PKHD1: variants seen among roughly 807,000 people sequenced by gnomAD.
PKHD1 encodes fibrocystin.
PKHD1 carries 291 observed loss-of-function variants against 412.0 expected under a neutral mutation model. That is an observed-to-expected ratio of 0.71 (90% CI 0.64 to 0.78). PKHD1 has a LOEUF of 0.78. Ranked by LOEUF, PKHD1 falls within the 30% of genes least tolerant of loss-of-function variation. The probability of loss-of-function intolerance (pLI) is 0.00; values close to 1 mark genes in which losing one functional copy is unlikely to be tolerated. For synonymous variants in PKHD1, 1,777 were observed against 1,821.5 expected (o/e 0.98, Z 0.62); for missense variants, 4,825 against 4,950.7 (o/e 0.97, Z 0.76).
intron 49 of PKHD1, among the ~76,000 whole-genome samples, chr6:51,851,190 G>A (rs773135925): frequency 3.3e-5 from 5 of 152,092 alleles, no homozygotes; most frequent in Non-Finnish European, 7.4e-5. Flanking sequence ...TTTATGTGAC[G>A]GATTATGTTT....
Position 52,023,010 on chromosome 6 carries a change from A to T in PKHD1, c.5237-66T>A, listed in dbSNP as rs1353939755. The T allele has an allele frequency of 6.9e-6, 11 of 1,582,798 alleles. No individual in the cohort carries two copies. The Admixed American group carries it at 1.8e-4, about 26-fold the overall frequency. On this transcript the variant is annotated intron_variant, in intron 32 of 66. Transcript: ENST00000371117. ...ATCTCCCTTCTTTACTCAACTCAAAATTCAAACATTTGCTTCCTCACTACC... is the reference window on the plus strand; with the variant it reads ...ATCTCCCTTCTTTACTCAACTCAAATTTCAAACATTTGCTTCCTCACTACC...
chr6:51,741,396 T>C (rs982141101), intron 60 of PKHD1, among the ~76,000 whole-genome samples: 5 of 147,996 alleles, frequency 3.4e-5, no homozygotes, highest in African/African-American at 1.3e-4. Flanking sequence ...TGTTTTTCTC[T>C]TTTTTTTTTC....
intron 60 of PKHD1, among the ~76,000 whole-genome samples, chr6:51,670,929 A>C (rs552460564): frequency 7.2e-5 from 11 of 151,984 alleles, no homozygotes; most frequent in Admixed American, 3.9e-4. Context: ...TGGTAGTCTG[A>C]TGGGCTTCCC....
At chr6:51,810,278 T>A (rs1764501529) in intron 52 of PKHD1, among the ~76,000 whole-genome samples, 1 of 152,140 alleles carries the variant, frequency 6.6e-6, no homozygotes, top group East Asian at 1.9e-4. Flanking sequence ...TTTAACATAC[T>A]GTAATTGTTA....
At chr6:51,836,278 T>C in intron 51 of PKHD1, 126 bp downstream of exon 51, 1 of 734,710 alleles carries the variant, frequency 1.4e-6, no homozygotes, top group Non-Finnish European at 2.5e-6. Flanking sequence ...TAGAGAGTTA[T>C]CAGACATATA....
chr6:51,788,995 C>T (rs894517802), intron 53 of PKHD1, among the ~76,000 whole-genome samples: 1 of 152,170 alleles, frequency 6.6e-6, no homozygotes, highest in Non-Finnish European at 1.5e-5. Context: ...GGACCCCCAA[C>T]ATCTGACTTA....
intron 35 of PKHD1, among the ~76,000 whole-genome samples, chr6:51,994,730 C>T (rs1425846860): frequency 3.3e-5 from 5 of 152,060 alleles, no homozygotes; most frequent in Non-Finnish European, 7.4e-5. Context: ...CACAGGCACA[C>T]GCCACTATGC....
chr6:52,028,866 A>T (rs1004697098), intron 29 of PKHD1, among the ~76,000 whole-genome samples: 2 of 152,340 alleles, frequency 1.3e-5, no homozygotes, highest in Non-Finnish European at 2.9e-5. Context: ...TAAAAAGAAA[A>T]ATTGGCAGGA....
intron 4 of PKHD1, 140 bp downstream of exon 4, chr6:52,082,252 T>G: frequency 1.2e-6 from 1 of 826,264 alleles, no homozygotes; most frequent in Non-Finnish European, 2.1e-6. Flanking sequence ...TTAGAAAGCA[T>G]ATTCACATGA....
intron 1 of PKHD1, among the ~76,000 whole-genome samples, chr6:52,086,095 CACACACACAAA>C (rs1196125251): frequency 1.4e-5 from 2 of 146,292 alleles, no homozygotes; most frequent in Admixed American, 6.8e-5. Flanking sequence ...CACACACATA[CACACACACAAA>C]GTGTGTGTGT....
chr6:52,027,547 AAAGAAG>A (rs1246925981), intron 31 of PKHD1, among the ~76,000 whole-genome samples: 3 of 149,088 alleles, frequency 2.0e-5, no homozygotes, highest in African/African-American at 7.5e-5. Flanking sequence ...AAAAAAAAAA[AAAGAAG>A]AAGAAGAAGA....
intron 60 of PKHD1, among the ~76,000 whole-genome samples, chr6:51,706,983 C>T (rs969218197): frequency 2.6e-5 from 4 of 152,132 alleles, no homozygotes; most frequent in African/African-American, 7.2e-5. Context: ...TAGATTTCTA[C>T]ACTTTTTCTT....
chr6:52,025,577 C>G lies in PKHD1; in HGVS notation c.4233G>C (p.Gly1411=). 2 of 1,614,174 alleles carry G rather than the reference C, an allele frequency of 1.2e-6. No individual in the cohort carries two copies. The highest frequency in any genetic ancestry group is 1.1e-5 in the South Asian group (1 of 91,082). ...ACGGTILTVR[G]LLLNSRRRSV... is the part of the protein sequence containing the mutation. ...ACCTCCTTCTAGAGTTAAGAAGCAACCCCCTCACAGTAAGTATGGTCCCAC... is the reference window on the plus strand; with the variant it reads ...ACCTCCTTCTAGAGTTAAGAAGCAAGCCCCTCACAGTAAGTATGGTCCCAC... Residue 1411 remains glycine, a synonymous_variant, in exon 32 of 67, where the codon GGG becomes GGC. Transcript: ENST00000371117.
At chr6:51,939,615 G>T (rs528399448) in intron 36 of PKHD1, among the ~76,000 whole-genome samples, 1 of 151,412 alleles carries the variant, frequency 6.6e-6, no homozygotes, top group Non-Finnish European at 1.5e-5. Context: ...AATTCTTATC[G>T]TAAAATAGAC....
chr6:51,981,102 T>G (rs867302850), intron 35 of PKHD1, among the ~76,000 whole-genome samples: 13 of 152,066 alleles, frequency 8.5e-5, no homozygotes, highest in African/African-American at 2.7e-4. Context: ...AACACATGCC[T>G]GCCTCTAAAA....
At chr6:51,685,991 C>T (rs757810294) in intron 60 of PKHD1, among the ~76,000 whole-genome samples, 2 of 152,120 alleles carry the variant, frequency 1.3e-5, no homozygotes, top group Non-Finnish European at 2.9e-5. Context: ...AATTCCATTC[C>T]ACTTATCCAC....
chr6:51,685,739 G>T (rs902711815), intron 60 of PKHD1, among the ~76,000 whole-genome samples: 1 of 152,098 alleles, frequency 6.6e-6, no homozygotes, highest in South Asian at 2.1e-4. Context: ...GAGGAGGGTT[G>T]CTACCTTCCT....
intron 37 of PKHD1, among the ~76,000 whole-genome samples, chr6:51,933,098 C>G (rs953170282): frequency 6.6e-6 from 1 of 152,138 alleles, no homozygotes. Context: ...GCCTTTGGCT[C>G]ATGCTATGCA....
intron 60 of PKHD1, among the ~76,000 whole-genome samples, chr6:51,716,781 C>T (rs572052681): frequency 6.6e-6 from 1 of 152,152 alleles, no homozygotes; most frequent in Non-Finnish European, 1.5e-5. Flanking sequence ...TCTTTGTCAC[C>T]TGAGATGACT....
Sources: gnomAD v4.1 joint callset for allele counts (sites outside exome capture counted in the v4.1 genomes callset) on GRCh38, gnomAD v4.1.1 for gene constraint, MANE v1.5 for transcripts, NCBI Gene and HGNC (gene_info 2026-07-23, HGNC 2026-07-21) for gene names.